ISM2: variants seen among roughly 807,000 people sequenced by gnomAD.
ISM2 encodes isthmin 2.
A neutral mutation model predicts 58.0 loss-of-function variants in ISM2; 50 were observed. The observed-to-expected ratio is 0.86, with a 90% confidence interval of 0.69 to 1.09. The LOEUF is 1.09. ISM2 is among the 50% of genes least tolerant of loss of function. ISM2 has a pLI of 0.00. For synonymous variants in ISM2, 303 were observed against 312.4 expected, an observed-to-expected ratio of 0.97 and a Z score of 0.32; for missense variants, 723 against 745.0, an observed-to-expected ratio of 0.97 and a Z score of 0.34.
chr14:77,475,739 CTT>C lies in ISM2; in HGVS notation c.1570_1571del (p.Lys524ValfsTer81). On this transcript the variant is annotated frameshift_variant, in exon 7 of 7. Coordinates refer to ENST00000342219, the MANE Select transcript of ISM2 (RefSeq NM_199296.3). LOFTEE classifies it high-confidence loss of function. The surrounding 1 kb of genome is among the most constrained non-coding windows in gnomAD (Gnocchi z 4.1). ...STDFSPKLHF[K>X]FDTTPWILCK... ...ACAGGATCCAGGGCGTCGTGTCGAA[CTT>C]GAAGTGCAGCTTAGGTGAGAAGTCG... 6.2e-7 allele frequency: 1 copy of C among 1,613,852 alleles called. No individual in the cohort carries two copies. The highest frequency in any genetic ancestry group is 8.5e-7 in the Non-Finnish European group (1 of 1,179,968).
At chr14:77,477,089 A>G (rs77460568) in intron 6 of ISM2, among the ~76,000 whole-genome samples, 5,598 of 152,226 alleles carry the variant, frequency 0.037, 125 homozygotes, top group Middle Eastern at 0.11. Flanking sequence ...AGGAGCCTTC[A>G]TAAACCAGAA....
intron 1 of ISM2, among the ~76,000 whole-genome samples, chr14:77,490,447 C>G (rs1211396738): frequency 6.6e-6 from 1 of 152,232 alleles, no homozygotes; most frequent in African/African-American, 2.4e-5. Context: ...ATTCTCACAA[C>G]AACACTTTAG....
intron 1 of ISM2, among the ~76,000 whole-genome samples, chr14:77,488,938 G>A (rs1291297573): frequency 6.6e-6 from 1 of 152,126 alleles, no homozygotes; most frequent in Non-Finnish European, 1.5e-5. Flanking sequence ...GCTTACATGT[G>A]GAGTTGCATG....
In ISM2 at chr14:77,487,362, T is replaced by C. The variant is rs536189968; in HGVS notation, c.142-2443A>G. Among the ~76,000 whole-genome samples, 4 of 152,312 alleles carry C rather than the reference T, an allele frequency of 2.6e-5. No individual in the cohort carries two copies. The East Asian group carries it at 7.7e-4, about 29-fold the overall frequency. On this transcript the variant is annotated intron_variant, in intron 1 of 6. Transcript: ENST00000342219. ...TGCTGGCAGCCTGGCTTCTAACCTG[T>C]GGGGCCCTAGCAGGAGAGAAGCCTC...
Position 77,475,463 on chromosome 14 carries a change from G to T in ISM2, c.*132C>A. 1 of 952,584 alleles carries T rather than the reference G, an allele frequency of 1.0e-6. No individual in the cohort carries two copies. Among genetic ancestry groups the T allele is most frequent in the Non-Finnish European group, 1.6e-6 (1 of 644,088 alleles). 59.0% of individuals were successfully genotyped at this position (952,584 alleles called of 1,614,324 possible). A position where few individuals can be genotyped will look rare whatever the true frequency, so the allele number is the denominator to read the frequency against. On this transcript the variant is annotated 3_prime_UTR_variant, in exon 7 of 7. Transcript: ENST00000342219. This position sits in a 1 kb window ranked among gnomAD's most constrained non-coding sequence, Gnocchi z 4.1. ...CGGGGTCGCTGGCAGAGGGCACACA[G>T]CCTCGGACCAACCTCACTGGGGGAG...
chr14:77,479,785 G>C (rs903131220), intron 4 of ISM2, among the ~76,000 whole-genome samples: 2 of 152,144 alleles, frequency 1.3e-5, no homozygotes, highest in Admixed American at 1.3e-4. Flanking sequence ...AAAGTACTGG[G>C]ATTACAGGCA....
chr14:77,486,809 T>G, intron 1 of ISM2, among the ~76,000 whole-genome samples: 1 of 151,284 alleles, frequency 6.6e-6, no homozygotes, highest in South Asian at 2.1e-4. Context: ...CTGGAGAAAT[T>G]TGTGATTGTC....
rs1314209443 is a variant in ISM2, at chr14:77,483,629, C to T, written c.627+694G>A. ...TCTGCCTTCCAGTTTTTTGCGTGTG[C>T]GTGTGCGTGTGTGCGTGTGTGTGTG... On this transcript the variant is annotated intron_variant, in intron 3 of 6. Transcript: ENST00000342219. 2.7e-5 allele frequency among the ~76,000 whole-genome samples: 4 copies of T among 150,190 alleles called. No homozygotes were observed. In the South Asian group the frequency reaches 8.5e-4, roughly 32 times the overall value.
intron 1 of ISM2, among the ~76,000 whole-genome samples, chr14:77,495,554 C>T (rs894784069): frequency 1.3e-5 from 2 of 152,120 alleles, no homozygotes; most frequent in African/African-American, 4.8e-5. Context: ...GAGGGACTGG[C>T]GAGAGGCCTC....
chr14:77,483,461 T>G (rs1332674907), intron 3 of ISM2, among the ~76,000 whole-genome samples: 1 of 151,482 alleles, frequency 6.6e-6, no homozygotes, highest in Non-Finnish European at 1.5e-5. Flanking sequence ...GGCAGGAAAA[T>G]TTATTGAACC....
rs985032026 is a variant in ISM2, at chr14:77,497,786, G to T, written c.141+867C>A. Among the ~76,000 whole-genome samples, 594 of 121,704 alleles carry T rather than the reference G, an allele frequency of 4.9e-3. 8 individuals carry two copies. The highest frequency in any genetic ancestry group is 0.021 in the African/African-American group (560 of 27,234). 79.8% of individuals were successfully genotyped at this position (121,704 alleles called of 152,430 possible). ...GGGAGGGAGGGAAGGAAGGAAGGAA[G>T]GAAGGAAGGAAGGAAGGAAGGAAGG... is the stretch of plus-strand genomic sequence containing the variant. On this transcript the variant is annotated intron_variant, in intron 1 of 6. Transcript: ENST00000342219.
intron 1 of ISM2, among the ~76,000 whole-genome samples, chr14:77,491,235 C>T (rs902202438): frequency 2.6e-5 from 4 of 152,180 alleles, no homozygotes; most frequent in African/African-American, 7.2e-5. Flanking sequence ...CCTTCCTCTG[C>T]CCTTTGTTCT....
At chr14:77,497,637 T>G (rs1354521720) in intron 1 of ISM2, among the ~76,000 whole-genome samples, 2 of 150,508 alleles carry the variant, frequency 1.3e-5, no homozygotes, top group African/African-American at 4.9e-5. Flanking sequence ...GAGGCTACAG[T>G]GAGCTATCAT....
chr14:77,491,691 C>CTTTTTTT (rs777579764), intron 1 of ISM2, among the ~76,000 whole-genome samples: 1 of 105,272 alleles, frequency 9.5e-6, no homozygotes, highest in Non-Finnish European at 1.9e-5. Flanking sequence ...CGCGTCTGGT[C>CTTTTTTT]TTTTTTTTTT....
chr14:77,483,848 T>C (rs2079148823), intron 3 of ISM2: 1 of 153,164 alleles, frequency 6.5e-6, no homozygotes, highest in South Asian at 2.1e-4. Flanking sequence ...AGCCTGAAAC[T>C]AGAATTCTGC....
intron 1 of ISM2, 135 bp from the exon 2 acceptor site, chr14:77,485,054 C>G: frequency 1.1e-6 from 1 of 906,624 alleles, no homozygotes; most frequent in South Asian, 1.7e-5. Context: ...TTACATCTCT[C>G]TGGAGTGTGT....
intron 1 of ISM2, among the ~76,000 whole-genome samples, chr14:77,487,243 T>TAAATAAATAAA (rs1331599364): frequency 4.2e-5 from 6 of 144,036 alleles, no homozygotes; most frequent in African/African-American, 1.6e-4. Flanking sequence ...AGAATCCATC[T>TAAATAAATAAA]TAAATAAATA....
In ISM2 at chr14:77,482,596, G is replaced by A; in HGVS notation, c.699C>T (p.Pro233=). 6.2e-7 allele frequency: 1 copy of A among 1,610,106 alleles called. No homozygotes were observed. Residue 233 remains proline, a synonymous_variant, in exon 4 of 7, where the codon CCC becomes CCT. Coordinates refer to ENST00000342219, the MANE Select transcript of ISM2 (RefSeq NM_199296.3). ...GCCAGCTAAGGGTATCCTGGGGCGG[G>A]GGATTGCTGGGCTCAGCCAACAGGT... ...SIDLLAEPSN[P]PPQDTLSWLP... is the part of the protein sequence containing the mutation.
intron 6 of ISM2, among the ~76,000 whole-genome samples, chr14:77,477,060 G>A (rs1335839041): frequency 2.0e-5 from 3 of 152,152 alleles, no homozygotes; most frequent in African/African-American, 7.2e-5. Flanking sequence ...GGTCCCCATG[G>A]CACAGTGCAG....
Sources: allele counts gnomAD v4.1 joint callset (sites outside exome capture counted in the v4.1 genomes callset), GRCh38; gene constraint gnomAD v4.1.1; non-coding constraint Gnocchi (gnomAD v3.1); transcripts MANE v1.5; gene names NCBI Gene and HGNC (gene_info 2026-07-23, HGNC 2026-07-21).